The following NRG3 variants were observed in gnomAD, a reference collection of about 807,000 sequenced individuals.
NRG3 encodes the protein neuregulin 3.
NRG3 carries 31 observed loss-of-function variants against 66.9 expected under a neutral mutation model. The observed-to-expected ratio is 0.46, with a 90% CI of 0.35 to 0.63. The LOEUF (loss-of-function observed/expected upper bound fraction) is 0.63. NRG3 is among the 20% of genes least tolerant of loss of function. NRG3 has a pLI of 0.00. For synonymous variants in NRG3, 393 were observed against 359.4 expected (o/e 1.09, Z -1.06); for missense variants, 910 against 878.9 (o/e 1.04, Z -0.45).
At chr10:82,676,480 G>GT (rs1286571944) in intron 2 of NRG3, among the ~76,000 whole-genome samples, 1 of 151,850 alleles carries the variant, frequency 6.6e-6, no homozygotes, top group Non-Finnish European at 1.5e-5. Flanking sequence ...TCTATTTGTG[G>GT]TTTTTTTGTT....
intron 1 of NRG3, among the ~76,000 whole-genome samples, chr10:82,036,137 G>A (rs940016163): frequency 3.9e-5 from 6 of 152,062 alleles, no homozygotes; most frequent in African/African-American, 1.4e-4. Flanking sequence ...AGAGATCTGG[G>A]CCCACTCACA....
chr10:82,049,282 A>G (rs2063474848), intron 1 of NRG3, among the ~76,000 whole-genome samples: 1 of 152,116 alleles, frequency 6.6e-6, no homozygotes, highest in Admixed American at 6.6e-5. Flanking sequence ...TGTTGTCTGC[A>G]TTCAACATCA....
intron 6 of NRG3, among the ~76,000 whole-genome samples, chr10:82,966,384 G>A (rs1851210382): frequency 6.6e-6 from 1 of 152,044 alleles, no homozygotes; most frequent in Non-Finnish European, 1.5e-5. Context: ...CCCTTTATTG[G>A]AATTTGATTC....
intron 1 of NRG3, among the ~76,000 whole-genome samples, chr10:82,030,272 T>C (rs1436803989): frequency 4.6e-5 from 7 of 152,136 alleles, no homozygotes; most frequent in African/African-American, 1.7e-4. Flanking sequence ...ACCAGATCTT[T>C]GCTTGTCTCC....
intron 2 of NRG3, among the ~76,000 whole-genome samples, chr10:82,453,666 G>A (rs1162182291): frequency 6.7e-6 from 1 of 149,500 alleles, no homozygotes; most frequent in Non-Finnish European, 1.5e-5. Flanking sequence ...CAGGTTAAAA[G>A]CCTGATGTTT....
chr10:82,154,013 G>A (rs1199512673), intron 1 of NRG3, among the ~76,000 whole-genome samples: 2 of 151,688 alleles, frequency 1.3e-5, no homozygotes, highest in African/African-American at 4.8e-5. Context: ...CAATCAGGAG[G>A]GTGTCTCTTC....
chr10:82,140,660 A>G (rs990700356), intron 1 of NRG3, among the ~76,000 whole-genome samples: 2 of 152,118 alleles, frequency 1.3e-5, no homozygotes, highest in Admixed American at 6.6e-5. Context: ...TGAGCCCAGG[A>G]GTTGAAGACT....
chr10:82,707,439 C>T (rs1289096405), intron 2 of NRG3, among the ~76,000 whole-genome samples: 1 of 151,906 alleles, frequency 6.6e-6, no homozygotes, highest in Non-Finnish European at 1.5e-5. Flanking sequence ...ACCTGGGCAA[C>T]AGAGCCAGAC....
chr10:81,967,847 G>A (rs147355992), intron 1 of NRG3, among the ~76,000 whole-genome samples: 239 of 152,206 alleles, frequency 1.6e-3, no homozygotes, highest in Non-Finnish European at 2.4e-3. Flanking sequence ...GCATATGGCT[G>A]TATGCTTAAA....
chr10:82,803,999 T>C (rs2135455018), intron 3 of NRG3, among the ~76,000 whole-genome samples: 1 of 152,260 alleles, frequency 6.6e-6, no homozygotes, highest in African/African-American at 2.4e-5. Context: ...TTATGCTTTG[T>C]CCCTTTGTCC....
chr10:82,857,418 G>T (rs1469308290), intron 3 of NRG3, among the ~76,000 whole-genome samples: 5 of 151,832 alleles, frequency 3.3e-5, no homozygotes, highest in Non-Finnish European at 5.9e-5. Context: ...CCTCCTGCAT[G>T]ACTGATGGCC....
chr10:82,486,416 T>C (rs1159000922), intron 2 of NRG3, among the ~76,000 whole-genome samples: 1 of 150,684 alleles, frequency 6.6e-6, no homozygotes, highest in African/African-American at 2.5e-5. Context: ...ATGCCTATAA[T>C]GGATTTTTTT....
At chr10:81,887,867 T>C (rs780740033) in intron 1 of NRG3, among the ~76,000 whole-genome samples, 1 of 152,156 alleles carries the variant, frequency 6.6e-6, no homozygotes, top group Non-Finnish European at 1.5e-5. Context: ...GTGTAGGTTT[T>C]CCTGTATTGA....
chr10:81,957,640 G>A (rs1243132008), intron 1 of NRG3, among the ~76,000 whole-genome samples: 2 of 152,176 alleles, frequency 1.3e-5, no homozygotes, highest in African/African-American at 4.8e-5. Flanking sequence ...TGCCTGGCAT[G>A]TACCAGTGAT....
intron 1 of NRG3, among the ~76,000 whole-genome samples, chr10:82,197,281 A>AT (rs780735887): frequency 1.3e-5 from 2 of 152,228 alleles, no homozygotes; most frequent in East Asian, 1.9e-4. Context: ...TATAAGTCTT[A>AT]TTTTTTTCAA....
intron 1 of NRG3, among the ~76,000 whole-genome samples, chr10:82,289,407 A>G (rs1474832747): frequency 6.7e-6 from 1 of 149,784 alleles, no homozygotes; most frequent in Non-Finnish European, 1.5e-5. Context: ...GAGCAAAGTA[A>G]TTGCACCATG....
intron 7 of NRG3, among the ~76,000 whole-genome samples, chr10:82,976,687 G>A (rs1381236620): frequency 6.6e-6 from 1 of 152,104 alleles, no homozygotes; most frequent in Non-Finnish European, 1.5e-5. Context: ...AGGCTCTTAT[G>A]TCCTCTGGTT....
intron 1 of NRG3, among the ~76,000 whole-genome samples, chr10:82,055,829 G>C (rs1426323556): frequency 6.6e-6 from 1 of 152,190 alleles, no homozygotes; most frequent in African/African-American, 2.4e-5. Flanking sequence ...GAAGGGACTG[G>C]AGATAAAGGC....
intron 3 of NRG3, among the ~76,000 whole-genome samples, chr10:82,856,862 A>C (rs559852799): frequency 2.0e-5 from 3 of 152,290 alleles, no homozygotes; most frequent in East Asian, 3.9e-4. Flanking sequence ...CCTGGGAGAC[A>C]CATGTGAATC....
Sources: gnomAD v4.1 joint callset for allele counts (sites outside exome capture counted in the v4.1 genomes callset) on GRCh38, gnomAD v4.1.1 for gene constraint, MANE v1.5 for transcripts, NCBI Gene and HGNC (gene_info 2026-07-23, HGNC 2026-07-21) for gene names.